CACNB2: variants seen among roughly 807,000 people sequenced by gnomAD.
The protein encoded by CACNB2 is voltage-dependent L-type calcium channel subunit beta-2.
A neutral mutation model predicts 73.3 loss-of-function variants in CACNB2; 42 were observed. That is an observed-to-expected ratio of 0.57 (90% CI 0.45 to 0.74). The LOEUF (loss-of-function observed/expected upper bound fraction) is 0.74. CACNB2 is among the 30% of genes least tolerant of loss of function. The probability of loss-of-function intolerance (pLI) is 0.00; values close to 1 mark genes in which losing one functional copy is unlikely to be tolerated. For synonymous variants in CACNB2, 348 were observed against 310.3 expected (o/e 1.12, Z -1.28); for missense variants, 940 against 853.0 (o/e 1.10, Z -1.27).
At chr10:18,216,486 A>T (rs2035517310) in intron 2 of CACNB2, among the ~76,000 whole-genome samples, 1 of 152,202 alleles carries the variant, frequency 6.6e-6, no homozygotes, top group African/African-American at 2.4e-5. Flanking sequence ...TATCCCACGT[A>T]AGCATGTACA....
intron 2 of CACNB2, among the ~76,000 whole-genome samples, chr10:18,250,748 C>G (rs977089125): frequency 6.6e-6 from 1 of 152,196 alleles, no homozygotes. Flanking sequence ...CCTCCATTTC[C>G]GTTTCCCCAT....
intron 12 of CACNB2, 71 bp from the exon 13 acceptor site, chr10:18,538,109 C>T (rs905579324): frequency 4.1e-6 from 6 of 1,474,886 alleles, no homozygotes; most frequent in Non-Finnish European, 4.7e-6. Flanking sequence ...CCCCTTCCTC[C>T]TCTTATGGAG....
chr10:18,254,127 G>A (rs1053555336), intron 2 of CACNB2, among the ~76,000 whole-genome samples: 2 of 152,144 alleles, frequency 1.3e-5, no homozygotes, highest in Admixed American at 1.3e-4. Flanking sequence ...AAAGGAAAAA[G>A]GATGTTTGAG....
At chr10:18,372,537 A>G (rs7907244) in intron 2 of CACNB2, among the ~76,000 whole-genome samples, 36,318 of 151,794 alleles carry the variant, frequency 0.24, 4,854 homozygotes, top group East Asian at 0.67. Flanking sequence ...CTACCAAGTA[A>G]CTGGGATTAC....
chr10:18,357,177 T>C (rs2041957034), intron 2 of CACNB2, among the ~76,000 whole-genome samples: 1 of 147,750 alleles, frequency 6.8e-6, no homozygotes, highest in South Asian at 2.2e-4. Flanking sequence ...TCTCCTGACC[T>C]CGTGATCCGC....
At chr10:18,452,721 AT>A (rs1480574930) in intron 3 of CACNB2, among the ~76,000 whole-genome samples, 1 of 152,170 alleles carries the variant, frequency 6.6e-6, no homozygotes, top group Non-Finnish European at 1.5e-5. Context: ...GGTTAGCCTT[AT>A]AGACAGAAGT....
chr10:18,146,064 A>G (rs142324253), intron 1 of CACNB2, among the ~76,000 whole-genome samples: 78 of 152,154 alleles, frequency 5.1e-4, no homozygotes, highest in African/African-American at 1.6e-3. Flanking sequence ...GAACTGAGCC[A>G]TATTATAAAA....
intron 2 of CACNB2, among the ~76,000 whole-genome samples, chr10:18,264,841 A>G (rs1363228852): frequency 2.0e-5 from 3 of 152,208 alleles, no homozygotes; most frequent in South Asian, 2.1e-4. Flanking sequence ...CAGTTGGGAC[A>G]TGCCATATTG....
At chr10:18,268,989 C>A (rs565684692) in intron 2 of CACNB2, among the ~76,000 whole-genome samples, 4 of 152,126 alleles carry the variant, frequency 2.6e-5, no homozygotes, top group Admixed American at 2.6e-4. Flanking sequence ...CCCAAATGTC[C>A]TTTAGGTCTG....
intron 2 of CACNB2, among the ~76,000 whole-genome samples, chr10:18,362,084 T>C (rs2042166254): frequency 1.3e-5 from 2 of 152,310 alleles, no homozygotes; most frequent in Admixed American, 6.5e-5. Context: ...CTGCCTCAGC[T>C]TCCCAATGGG....
chr10:18,157,880 G>A (rs987332135), intron 2 of CACNB2, among the ~76,000 whole-genome samples: 23 of 152,196 alleles, frequency 1.5e-4, no homozygotes, highest in Non-Finnish European at 2.9e-4. Context: ...CGGAAAGTGA[G>A]AATGTCTTCA....
intron 2 of CACNB2, among the ~76,000 whole-genome samples, chr10:18,258,109 C>T (rs891113557): frequency 5.9e-5 from 9 of 152,196 alleles, no homozygotes; most frequent in Non-Finnish European, 1.3e-4. Context: ...ATATCCCCAG[C>T]ACCTTAGCAC....
chr10:18,363,840 G>T (rs1262735753), intron 2 of CACNB2, among the ~76,000 whole-genome samples: 2 of 151,440 alleles, frequency 1.3e-5, no homozygotes, highest in Non-Finnish European at 2.9e-5. Flanking sequence ...TTTAAAAACA[G>T]ATCATTTTGG....
intron 2 of CACNB2, among the ~76,000 whole-genome samples, chr10:18,262,396 A>G (rs2037592360): frequency 6.6e-6 from 1 of 152,188 alleles, no homozygotes; most frequent in South Asian, 2.1e-4. Flanking sequence ...AAGTAAAAGC[A>G]TGAAAAACCC....
At chr10:18,189,849 G>A (rs953752389) in intron 2 of CACNB2, among the ~76,000 whole-genome samples, 4 of 152,182 alleles carry the variant, frequency 2.6e-5, no homozygotes, top group Non-Finnish European at 5.9e-5. Flanking sequence ...AACACTGGAT[G>A]TTATTCCTTG....
At chr10:18,291,045 T>G (rs1216902006) in intron 2 of CACNB2, among the ~76,000 whole-genome samples, 1 of 152,336 alleles carries the variant, frequency 6.6e-6, no homozygotes, top group Admixed American at 6.5e-5. Context: ...CAGCCTTTCA[T>G]GGAGCGGTTT....
At chr10:18,401,629 C>G (rs1025516081) in intron 2 of CACNB2, among the ~76,000 whole-genome samples, 1 of 152,176 alleles carries the variant, frequency 6.6e-6, no homozygotes, top group Non-Finnish European at 1.5e-5. Context: ...CAGTTCTGCA[C>G]TGCACCATCA....
chr10:18,325,516 T>G (rs1360738704), intron 2 of CACNB2, among the ~76,000 whole-genome samples: 1 of 147,628 alleles, frequency 6.8e-6, no homozygotes, highest in Non-Finnish European at 1.5e-5. Flanking sequence ...CTGTCTGTCT[T>G]TCTTTCTCTT....
intron 2 of CACNB2, among the ~76,000 whole-genome samples, chr10:18,321,772 A>G (rs537187746): frequency 6.6e-6 from 1 of 152,192 alleles, no homozygotes; most frequent in Admixed American, 6.5e-5. Context: ...CCATTACCTC[A>G]TATTAGGTCC....
Sources: allele counts gnomAD v4.1 joint callset (sites outside exome capture counted in the v4.1 genomes callset), GRCh38; gene constraint gnomAD v4.1.1; transcripts MANE v1.5; gene names NCBI Gene and HGNC (gene_info 2026-07-23, HGNC 2026-07-21).